TICRR: variants seen among roughly 807,000 people sequenced by gnomAD.
TICRR encodes the protein treslin.
A neutral mutation model predicts 178.1 loss-of-function variants in TICRR; 132 were observed. The ratio of observed to expected loss-of-function variants is 0.74; its 90% CI spans 0.64 to 0.86. The LOEUF (loss-of-function observed/expected upper bound fraction) is 0.86, where lower values mean the gene tolerates loss of function less well. Ranked by LOEUF, TICRR falls within the 40% of genes least tolerant of loss-of-function variation. The probability of loss-of-function intolerance (pLI) is 0.00; values close to 1 mark genes in which losing one functional copy is unlikely to be tolerated. For synonymous variants in TICRR, 991 were observed against 900.7 expected (o/e 1.10, Z -1.79); for missense variants, 2,587 against 2,334.3 (o/e 1.11, Z -2.23).
chr15:89,606,672 G>C, intron 13 of TICRR, 96 bp from the exon 14 acceptor site: 1 of 974,112 alleles, frequency 1.0e-6, no homozygotes, highest in South Asian at 1.4e-5. Context: ...CCCTATAAAT[G>C]AATTACAAGA....
In TICRR at chr15:89,601,498, T is replaced by C. The variant is rs1409828640; in HGVS notation, c.2257T>C (p.Leu753=). The part of the protein sequence containing the change: ...MEQVVEEVTD[L]LRMVCLTEDS... Reference sequence around the variant, plus strand: ...CTAAAATCTCCTTCAGGTGACAGATTTGCTGCGCATGGTGTGTTTAACTGA... The same window carrying C: ...CTAAAATCTCCTTCAGGTGACAGATCTGCTGCGCATGGTGTGTTTAACTGA... Residue 753 remains leucine (L), a synonymous_variant, in exon 11 of 22, where the codon TTG becomes CTG. Transcript: ENST00000268138. 22 of 1,614,092 alleles carry C rather than the reference T, an allele frequency of 1.4e-5. No individual in the cohort carries two copies. The Admixed American group carries it at 2.7e-4, about 20-fold the overall frequency.
intron 4 of TICRR, 95 bp downstream of exon 4, chr15:89,586,037 ATATGT>A: frequency 1.2e-6 from 1 of 810,544 alleles, no homozygotes; most frequent in East Asian, 2.5e-5. Context: ...TAGAACCCCA[ATATGT>A]TATAACACAG....
chr15:89,622,473 A>G lies in TICRR; in HGVS notation c.3312+923A>G, dbSNP rs370679281. Among the ~76,000 whole-genome samples, 33 of 152,316 alleles carry G rather than the reference A, an allele frequency of 2.2e-4. 1 individual carries two copies. In the South Asian group the frequency reaches 6.0e-3, roughly 28 times the overall value. On this transcript the variant is annotated intron_variant, in intron 19 of 21. Transcript: ENST00000268138. The stretch of plus-strand genomic sequence containing the variant: ...AAATGTTCACTTTGCTTAAAGCTCT[A>G]TAGACTCCCCGTCCGCTAAAGCAAG...
rs771854179 is a variant in TICRR, at chr15:89,582,741, A to G, written c.710A>G (p.His237Arg). The change falls in exon 2 of 22, where the codon CAC (histidine) becomes CGC (arginine). Residue 237 changes from histidine to arginine, a missense_variant. By Grantham distance (29) the His-to-Arg change is conservative (BLOSUM62 0). Coordinates refer to ENST00000268138, the MANE Select transcript of TICRR (RefSeq NM_152259.4). ...GYWTVCELLH[H>R]GGGTVLPSES... The stretch of plus-strand genomic sequence containing the variant: ...TGGACTGTTTGTGAACTGCTCCACC[A>G]CGGAGGTGGCACTGTCTTGCCATCT... The G allele has an allele frequency of 1.2e-6, 2 of 1,614,068 alleles. No homozygotes were observed. The highest frequency in any genetic ancestry group is 1.7e-6 in the Non-Finnish European group (2 of 1,180,044).
At position 89,575,839 on chromosome 15, in the gene TICRR, G is replaced by A; in HGVS notation, c.253G>A (p.Glu85Lys). ...TGAGGAGGAGCTGGAGGCCAGGCTC[G>A]AGGATCGCGCCCACCTGCCCGGCCC... is the stretch of plus-strand genomic sequence containing the variant. ...DFEEELEARL[E>K]DRAHLPGPAP... Residue 85 changes from glutamate to lysine, a missense_variant, in exon 1 of 22, where the codon GAG becomes AAG. Glu to Lys is a moderately conservative substitution (Grantham distance 56). Coordinates refer to ENST00000268138, the MANE Select transcript of TICRR (RefSeq NM_152259.4). 1.3e-6 allele frequency: 2 copies of A among 1,590,316 alleles called. No homozygotes were observed. Among genetic ancestry groups the A allele is most frequent in the Non-Finnish European group, 8.5e-7 (1 of 1,170,732 alleles).
intron 19 of TICRR, among the ~76,000 whole-genome samples, chr15:89,622,562 G>T (rs1021992240): frequency 6.6e-6 from 1 of 152,310 alleles, no homozygotes; most frequent in East Asian, 1.9e-4. Context: ...TGGAAACTCA[G>T]TAAATTGCTT....
rs1052284677 is a variant in TICRR at position 89,627,874 on chromosome 15, ACTGT to A, written c.*791_*794del. The A allele has an allele frequency of 2.0e-5, 3 of 152,144 alleles. No homozygotes were observed. Among genetic ancestry groups the A allele is most frequent in the African/African-American group, 7.2e-5 (3 of 41,384 alleles). The allele number at this position is 152,144 out of a possible 1,614,324, so 9.4% of individuals were successfully genotyped here. On this transcript the variant is annotated 3_prime_UTR_variant, in exon 22 of 22. Transcript: ENST00000268138. ...GGCTAACGGTGAGGGCTGACTCTGA[ACTGT>A]CTCTCAGTCTCCAGAAAGTGTTCAA... is the stretch of plus-strand genomic sequence containing the variant.
In TICRR at chr15:89,624,264, T is replaced by G. The variant is rs752351297; in HGVS notation, c.3954T>G (p.Asp1318Glu). 1 of 1,614,228 alleles carries G rather than the reference T, an allele frequency of 6.2e-7. No homozygotes were observed. Among genetic ancestry groups the G allele is most frequent in the East Asian group, 2.2e-5 (1 of 44,890 alleles). ...AACTGTTTACCTCTCCTTTATGTGA[T>G]GTCTCCAAGAAGAGTCCATTTAGGA... ...PKKLFTSPLC[D>E]VSKKSPFRKS... The change falls in exon 20 of 22, where the codon GAT (aspartate) becomes GAG (glutamate). Residue 1318 changes from aspartate (D) to glutamate (E), a missense_variant. Asp to Glu is a conservative substitution (Grantham distance 45, BLOSUM62 2). Transcript: ENST00000268138.
At chr15:89,602,497 AT>A (rs1963114476) in intron 12 of TICRR, among the ~76,000 whole-genome samples, 1 of 152,094 alleles carries the variant, frequency 6.6e-6, no homozygotes, top group African/African-American at 2.4e-5. Flanking sequence ...TTTATTTCCT[AT>A]TTCACAAAGT....
In TICRR at chr15:89,625,795, G is replaced by A. The variant is rs772398587; in HGVS notation, c.5476+9G>A. 1.1e-5 allele frequency: 18 copies of A among 1,588,264 alleles called. No homozygotes were observed. Among genetic ancestry groups the A allele is most frequent in the African/African-American group, 5.4e-5 (4 of 73,796 alleles). ...AGAGGTGTTTGTTTCCGGTGAGTTC[G>A]TTTTTGAAACCCAGTTTCCTCATGG... is the stretch of plus-strand genomic sequence containing the variant. On this transcript the variant is annotated intron_variant, in intron 20 of 21. Coordinates refer to ENST00000268138, the MANE Select transcript of TICRR (RefSeq NM_152259.4).
At chr15:89,618,920 C>G (rs28591326) in intron 17 of TICRR, among the ~76,000 whole-genome samples, 1 of 152,192 alleles carries the variant, frequency 6.6e-6, no homozygotes. Context: ...GATCGTGCCT[C>G]TGCACTCCAG....
rs1963190739 is a variant in TICRR, at chr15:89,607,382, AG to A, written c.2722+561del. Among the ~76,000 whole-genome samples the A allele has an allele frequency of 3.3e-5, 5 of 152,284 alleles. No individual in the cohort carries two copies. In the South Asian group the frequency reaches 1.0e-3, roughly 32 times the overall value. On this transcript the variant is annotated intron_variant, in intron 14 of 21. Coordinates refer to ENST00000268138, the MANE Select transcript of TICRR (RefSeq NM_152259.4). Reference sequence around the variant, plus strand: ...GTTTGCAATTTACTCTCCAGTGTTTAGGGGAATAACGTACATACAGAGAGAA... The same window carrying A: ...GTTTGCAATTTACTCTCCAGTGTTTAGGGAATAACGTACATACAGAGAGAA...
At chr15:89,606,512 A>G (rs767235096) in intron 13 of TICRR, among the ~76,000 whole-genome samples, 1 of 152,156 alleles carries the variant, frequency 6.6e-6, no homozygotes, top group Admixed American at 6.5e-5. Flanking sequence ...TACTCTTGTA[A>G]TGTCTGCATT....
At chr15:89,602,320 A>G (rs188385795) in intron 12 of TICRR, among the ~76,000 whole-genome samples, 68 of 152,298 alleles carry the variant, frequency 4.5e-4, no homozygotes, top group African/African-American at 1.5e-3. Context: ...TGGAAAAGCT[A>G]ATGTTCCAGC....
Position 89,592,194 on chromosome 15 carries a change from C to A in TICRR, c.1541+18C>A. On this transcript the variant is annotated intron_variant, in intron 5 of 21. Transcript: ENST00000268138. ...TCATTTGGGTAAAACGTTTTTATAT[C>A]TCTTGAATATTGATTATTAAAATCA... The A allele has an allele frequency of 6.2e-7, 1 of 1,603,018 alleles. No individual in the cohort carries two copies. The highest frequency in any genetic ancestry group is 8.5e-7 in the Non-Finnish European group (1 of 1,171,372).
chr15:89,624,807 TTC>T lies in TICRR; in HGVS notation c.4501_4502del (p.Leu1501ValfsTer23). 1 of 1,614,168 alleles carries T rather than the reference TTC, an allele frequency of 6.2e-7. No individual in the cohort carries two copies. Among genetic ancestry groups the T allele is most frequent in the Non-Finnish European group, 8.5e-7 (1 of 1,180,030 alleles). ...GLRTADAEKS[S>X]LSHPGIPPSP... ...TAAGGACAGCAGATGCTGAGAAGTC[TTC>T]TCTGTCTCACCCTGGGATTCCCCCA... On this transcript the variant is annotated frameshift_variant, in exon 20 of 22. Coordinates refer to ENST00000268138, the MANE Select transcript of TICRR (RefSeq NM_152259.4). LOFTEE classifies it high-confidence loss of function.
chr15:89,617,838 C>T (rs1031810198), intron 16 of TICRR, among the ~76,000 whole-genome samples: 1 of 152,110 alleles, frequency 6.6e-6, no homozygotes, highest in Non-Finnish European at 1.5e-5. Context: ...ACTACAGGCG[C>T]ATGCCACCAC....
rs368229703 is a variant in TICRR, at chr15:89,584,508, C to T, written c.1157C>T (p.Thr386Ile). The T allele has an allele frequency of 6.3e-7, 1 of 1,588,428 alleles. No individual in the cohort carries two copies. The highest frequency in any genetic ancestry group is 8.6e-7 in the Non-Finnish European group (1 of 1,165,420). Residue 386 changes from threonine to isoleucine, a missense_variant, in exon 3 of 22, where the codon ACT (threonine) becomes ATT (isoleucine). Transcript: ENST00000268138. ...LLFQQLVSRLTAEELHLVADV... is the reference protein window; with the variant it reads ...LLFQQLVSRLIAEELHLVADV... ...TTTCAGCAGTTGGTAAGCAGGCTGA[C>T]TGCTGAAGAGTTACACCTGGTAGGT...
rs1963505624 is a variant in TICRR, at chr15:89,625,513, T to C, written c.5203T>C (p.Leu1735=). The part of the protein sequence containing the change: ...LELSIHRTPI[L]EDFELEGVCQ... ...ACTCAGCATCCACAGGACGCCCATCTTGGAGGATTTTGAGCTCGAGGGAGT... is the reference window on the plus strand; with the variant it reads ...ACTCAGCATCCACAGGACGCCCATCCTGGAGGATTTTGAGCTCGAGGGAGT... The change falls in exon 20 of 22, where the codon TTG becomes CTG. Residue 1735 remains leucine, a synonymous_variant. Coordinates refer to ENST00000268138, the MANE Select transcript of TICRR (RefSeq NM_152259.4). The C allele has an allele frequency of 5.0e-6, 8 of 1,613,800 alleles. No homozygotes were observed. Among genetic ancestry groups the C allele is most frequent in the Middle Eastern group, 3.3e-4 (2 of 6,062 alleles).
Sources: allele counts gnomAD v4.1 joint callset (sites outside exome capture counted in the v4.1 genomes callset), GRCh38; gene constraint gnomAD v4.1.1; transcripts MANE v1.5; gene names NCBI Gene and HGNC (gene_info 2026-07-23, HGNC 2026-07-21).